Variants in EFCAB13 observed in about 807,000 individuals in gnomAD.
EFCAB13 encodes the protein EF-hand calcium-binding domain-containing protein 13.
A neutral mutation model predicts 110.2 loss-of-function variants in EFCAB13; 91 were observed. The observed-to-expected ratio is 0.83, with a 90% CI of 0.70 to 0.98. The LOEUF is 0.98. Among genes scored for constraint, EFCAB13 ranks in the 50% least tolerant of loss-of-function variants. The pLI, the probability that EFCAB13 is intolerant of heterozygous loss-of-function variation, is 0.00. For missense variants in EFCAB13, 968 were observed against 1,119.4 expected, an observed-to-expected ratio of 0.86 and a Z score of 1.93; for synonymous variants, 323 against 369.9, an observed-to-expected ratio of 0.87 and a Z score of 1.45.
chr17:47,406,216 G>A (rs190591182), intron 20 of EFCAB13, among the ~76,000 whole-genome samples: 1 of 152,104 alleles, frequency 6.6e-6, no homozygotes, highest in African/African-American at 2.4e-5. Context: ...GGTTTCAAGC[G>A]ATTCTCCTGC....
intron 16 of EFCAB13, among the ~76,000 whole-genome samples, chr17:47,395,254 G>T (rs1236962650): frequency 6.6e-6 from 1 of 152,180 alleles, no homozygotes; most frequent in African/African-American, 2.4e-5. Flanking sequence ...TGAGAAGATT[G>T]TACAGGTTAT....
chr17:47,396,229 G>A (rs1461328763), intron 17 of EFCAB13, among the ~76,000 whole-genome samples: 4 of 149,464 alleles, frequency 2.7e-5, no homozygotes, highest in African/African-American at 9.7e-5. Context: ...CAAGTTGTGT[G>A]GTATGTTACT....
At chr17:47,423,616 C>T (rs1487445179) in intron 23 of EFCAB13, 3 of 357,340 alleles carry the variant, frequency 8.4e-6, no homozygotes, top group Non-Finnish European at 1.5e-5. Flanking sequence ...GCCGCGCGCC[C>T]CGGTCCATTG....
At chr17:47,424,889 T>TC (rs1904883236) in intron 23 of EFCAB13, among the ~76,000 whole-genome samples, 1 of 67,442 alleles carries the variant, frequency 1.5e-5, no homozygotes, top group Non-Finnish European at 3.1e-5. Flanking sequence ...TTTTTTTTTT[T>TC]TTTTTTTTTT....
chr17:47,421,503 T>G (rs1290087380), intron 23 of EFCAB13, among the ~76,000 whole-genome samples: 1 of 151,878 alleles, frequency 6.6e-6, no homozygotes, highest in Non-Finnish European at 1.5e-5. Flanking sequence ...AAGGCCGCAG[T>G]GTCCTCTGCC....
chr17:47,424,874 C>CTTTTTTTTTTTTTT (rs548271723), intron 23 of EFCAB13, among the ~76,000 whole-genome samples: 410 of 36,882 alleles, frequency 0.011, 93 homozygotes, highest in African/African-American at 0.019. Context: ...GGTTGACAAT[C>CTTTTTTTTTTTTTT]TTTTTTTTTT....
At chr17:47,417,108 AC>A (rs1904476472) in intron 23 of EFCAB13, among the ~76,000 whole-genome samples, 1 of 152,192 alleles carries the variant, frequency 6.6e-6, no homozygotes, top group South Asian at 2.1e-4. Flanking sequence ...TTACAATAAC[AC>A]AGCTAGAGAA....
At chr17:47,391,361 C>A in intron 14 of EFCAB13, 76 bp from the exon 15 acceptor site, 1 of 1,179,390 alleles carries the variant, frequency 8.5e-7, no homozygotes, top group South Asian at 2.1e-5. Flanking sequence ...AGTGTTAGAA[C>A]TAAAATTCAT....
intron 7 of EFCAB13, 90 bp downstream of exon 7, chr17:47,344,382 A>C (rs925034179): frequency 2.1e-6 from 3 of 1,433,304 alleles, no homozygotes; most frequent in Non-Finnish European, 2.8e-6. Context: ...CACATAAAGA[A>C]TATGAAGTAG....
intron 10 of EFCAB13, among the ~76,000 whole-genome samples, chr17:47,365,216 G>A (rs1263468710): frequency 6.6e-6 from 1 of 152,114 alleles, no homozygotes; most frequent in Non-Finnish European, 1.5e-5. Context: ...ACCTAGCGTG[G>A]TGCTTATAGC....
chr17:47,346,108 ATTC>A (rs1349525908), intron 8 of EFCAB13, among the ~76,000 whole-genome samples: 1 of 152,170 alleles, frequency 6.6e-6, no homozygotes, highest in Non-Finnish European at 1.5e-5. Flanking sequence ...AATGTAAGTT[ATTC>A]TTATCTATAG....
At chr17:47,428,033 C>T (rs1374107702) in intron 23 of EFCAB13, among the ~76,000 whole-genome samples, 3 of 151,468 alleles carry the variant, frequency 2.0e-5, no homozygotes, top group African/African-American at 7.3e-5. Context: ...TTTTTTCCTA[C>T]TGACCGGTTG....
chr17:47,363,430 C>G (rs1187900607), intron 10 of EFCAB13, among the ~76,000 whole-genome samples: 1 of 150,630 alleles, frequency 6.6e-6, no homozygotes, highest in East Asian at 1.9e-4. Context: ...TGGAACTGTG[C>G]TAGGTGATGC....
chr17:47,361,211 C>T (rs1056396135), intron 9 of EFCAB13, among the ~76,000 whole-genome samples, 167 bp from the exon 10 acceptor site: 1 of 152,022 alleles, frequency 6.6e-6, no homozygotes, highest in East Asian at 1.9e-4. Context: ...ATGTTTTAAC[C>T]ACTATTATAA....
chr17:47,334,311 C>G (rs548994560), intron 4 of EFCAB13, among the ~76,000 whole-genome samples: 1 of 152,038 alleles, frequency 6.6e-6, no homozygotes, highest in East Asian at 1.9e-4. Flanking sequence ...AAATTGAGTT[C>G]TTTTTTATTA....
At chr17:47,397,825 G>A (rs1017622116) in intron 17 of EFCAB13, among the ~76,000 whole-genome samples, 10 of 151,150 alleles carry the variant, frequency 6.6e-5, no homozygotes, top group Non-Finnish European at 8.8e-5. Context: ...CAGCTGCCCC[G>A]TCTGAGAAGT....
chr17:47,372,279 A>G (rs1189956921), intron 11 of EFCAB13, among the ~76,000 whole-genome samples: 1 of 152,120 alleles, frequency 6.6e-6, no homozygotes, highest in Admixed American at 6.5e-5. Flanking sequence ...TGAAGCTTAC[A>G]AAATATCTTG....
Position 47,372,555 on chromosome 17 carries a change from TA to T in EFCAB13, c.878-1916del, listed in dbSNP as rs140543601. ...CTTTTACCAGTGAGTTTTACACATT[TA>T]TTTTTTGTGTTACTAAACAGCATCC... On this transcript the variant is annotated intron_variant, in intron 11 of 24. Transcript: ENST00000331493. Among the ~76,000 whole-genome samples, 35 of 152,362 alleles carry T rather than the reference TA, an allele frequency of 2.3e-4. No individual in the cohort carries two copies. The East Asian group carries it at 6.0e-3, about 26-fold the overall frequency.
chr17:47,397,602 G>C (rs534161690), intron 17 of EFCAB13, among the ~76,000 whole-genome samples: 53 of 151,840 alleles, frequency 3.5e-4, no homozygotes, highest in African/African-American at 1.3e-3. Flanking sequence ...TATCTAGGAA[G>C]TGAGGAGCGT....
Sources: allele counts gnomAD v4.1 joint callset (sites outside exome capture counted in the v4.1 genomes callset), GRCh38; gene constraint gnomAD v4.1.1; transcripts MANE v1.5; gene names NCBI Gene and HGNC (gene_info 2026-07-23, HGNC 2026-07-21).